Variants in PIP5K1C observed in about 807,000 individuals in gnomAD.
PIP5K1C encodes phosphatidylinositol 4-phosphate 5-kinase type-1 gamma.
A neutral mutation model predicts 80.1 loss-of-function variants in PIP5K1C; 45 were observed. The ratio of observed to expected loss-of-function variants is 0.56; its 90% confidence interval spans 0.44 to 0.72. The LOEUF is 0.72. PIP5K1C is among the 30% of genes least tolerant of loss of function. PIP5K1C has a pLI of 0.00. For missense variants in PIP5K1C, 753 were observed against 954.6 expected (o/e 0.79, Z 2.78); for synonymous variants, 498 against 420.1 (o/e 1.19, Z -2.27).
chr19:3,646,150 G>A, intron 10 of PIP5K1C, 92 bp from the exon 11 acceptor site: 1 of 793,730 alleles, frequency 1.3e-6, no homozygotes, highest in Non-Finnish European at 2.3e-6. Context: ...TGTGTGTGGG[G>A]GGCACCTTCT....
chr19:3,637,466 G>C lies in PIP5K1C; in HGVS notation c.1920+1418C>G. The C allele has an allele frequency of 6.5e-7, 1 of 1,535,702 alleles. No individual in the cohort carries two copies. Among genetic ancestry groups the C allele is most frequent in the South Asian group, 1.2e-5 (1 of 84,066 alleles). On this transcript the variant is annotated intron_variant, in intron 16 of 17. Coordinates refer to ENST00000335312, the MANE Select transcript of PIP5K1C (RefSeq NM_012398.3). This position sits in a 1 kb window ranked among gnomAD's most constrained non-coding sequence, Gnocchi z 7.0. Reference sequence around the variant, plus strand: ...GTCAGACACTGAGCTTCCGGCCGGGGACCTGCGGCTCCCTGCTGCCCGAGG... The same window carrying C: ...GTCAGACACTGAGCTTCCGGCCGGGCACCTGCGGCTCCCTGCTGCCCGAGG...
Position 3,641,835 on chromosome 19 carries a change from C to T in PIP5K1C, c.1683-26G>A, listed in dbSNP as rs778871614. The T allele has an allele frequency of 3.2e-6, 5 of 1,580,308 alleles. No individual in the cohort carries two copies. In the Admixed American group the frequency reaches 5.0e-5, roughly 16 times the overall value. ...CTGCAGGCAATGGGAGGTTGTGCCT[C>T]GGTTTCCCTCCTCACTTCCCCCATC... On this transcript the variant is annotated intron_variant, in intron 14 of 17. Coordinates refer to ENST00000335312, the MANE Select transcript of PIP5K1C (RefSeq NM_012398.3).
In PIP5K1C at chr19:3,690,534, A is replaced by G. The variant is rs191885144; in HGVS notation, c.94+9763T>C. Among the ~76,000 whole-genome samples, 7 of 152,286 alleles carry G rather than the reference A, an allele frequency of 4.6e-5. No individual in the cohort carries two copies. The East Asian group carries it at 5.8e-4, about 13-fold the overall frequency. ...TGAACAAAAAAGAAGCTAAGTTATA[A>G]AAGTCTTAGCAGAATTTAATCATAA... is the stretch of plus-strand genomic sequence containing the variant. On this transcript the variant is annotated intron_variant, in intron 1 of 17. Coordinates refer to ENST00000335312, the MANE Select transcript of PIP5K1C (RefSeq NM_012398.3).
rs1407748476 is a variant in PIP5K1C at position 3,643,347 on chromosome 19, A to G, written c.1545T>C (p.Ser515=). 2 of 1,613,720 alleles carry G rather than the reference A, an allele frequency of 1.2e-6. No homozygotes were observed. Among genetic ancestry groups the G allele is most frequent in the African/African-American group, 1.3e-5 (1 of 74,902 alleles). Reference sequence around the variant, plus strand: ...TGGAGGCTGTAGTGGCTTCTTCGAAAGAAGGTGGCGTGCAGGGCAGGAGGT... The same window carrying G: ...TGGAGGCTGTAGTGGCTTCTTCGAAGGAAGGTGGCGTGCAGGGCAGGAGGT... The part of the protein sequence containing the change: ...RPDLLPCTPP[S]FEEATTASIA... Residue 515 remains serine (S), a synonymous_variant, in exon 13 of 18, where the codon TCT becomes TCC. Transcript: ENST00000335312.
rs537704620 is a variant in PIP5K1C, at chr19:3,659,792, G to A, written c.468+1174C>T. Among the ~76,000 whole-genome samples, 25 of 152,234 alleles carry A rather than the reference G, an allele frequency of 1.6e-4. No homozygotes were observed. In the South Asian group the frequency reaches 4.6e-3, roughly 28 times the overall value. On this transcript the variant is annotated intron_variant, in intron 5 of 17. Transcript: ENST00000335312. ...GTTCTCCCTGGAAGAGCGCAGCCTC[G>A]GGCGCTTCCTACAGACTGAGATAAA...
intron 2 of PIP5K1C, among the ~76,000 whole-genome samples, chr19:3,666,522 C>T (rs1231207481): frequency 4.6e-5 from 7 of 152,202 alleles, no homozygotes; most frequent in Non-Finnish European, 1.5e-5. Flanking sequence ...CACAGGCAAA[C>T]GTGTACATAC....
intron 1 of PIP5K1C, among the ~76,000 whole-genome samples, chr19:3,686,457 G>T (rs939860854): frequency 1.3e-5 from 2 of 151,232 alleles, no homozygotes; most frequent in Non-Finnish European, 3.0e-5. Context: ...AGTGGCTCAC[G>T]TGTGTAATCC....
intron 1 of PIP5K1C, among the ~76,000 whole-genome samples, chr19:3,675,144 A>C (rs761146126): frequency 1.5e-4 from 23 of 152,190 alleles, no homozygotes; most frequent in Non-Finnish European, 3.4e-4. Flanking sequence ...GGGGTGATGG[A>C]AATGTACTAG....
At position 3,641,801 on chromosome 19, in the gene PIP5K1C, T is replaced by C; in HGVS notation, c.1691A>G (p.Glu564Gly). 1 of 1,611,314 alleles carries C rather than the reference T, an allele frequency of 6.2e-7. No individual in the cohort carries two copies. The highest frequency in any genetic ancestry group is 8.5e-7 in the Non-Finnish European group (1 of 1,179,648). ...CAGATCCTCTTCCGCGGGTGGCTCC[T>C]CCTGCGGCCTGCAGGCAATGGGAGG... is the stretch of plus-strand genomic sequence containing the variant. Reference protein sequence around the residue: ...QSSGQDGRPQEEPPAEEDLQQ... With the variant: ...QSSGQDGRPQGEPPAEEDLQQ... The change falls in exon 15 of 18, where the codon GAG (glutamate) becomes GGG (glycine). Residue 564 changes from glutamate (E) to glycine (G), a missense_variant. Physicochemically the swap from Glu to Gly is moderately conservative, Grantham distance 98. Coordinates refer to ENST00000335312, the MANE Select transcript of PIP5K1C (RefSeq NM_012398.3).
At chr19:3,663,793 C>T (rs1315928319) in intron 3 of PIP5K1C, among the ~76,000 whole-genome samples, 3 of 152,226 alleles carry the variant, frequency 2.0e-5, no homozygotes, top group South Asian at 2.1e-4. Flanking sequence ...AAAACGGTAC[C>T]GCTGCTATGG....
chr19:3,694,068 C>A (rs1012312408), intron 1 of PIP5K1C, among the ~76,000 whole-genome samples: 1 of 151,930 alleles, frequency 6.6e-6, no homozygotes, highest in Non-Finnish European at 1.5e-5. Flanking sequence ...AAACATTAGC[C>A]GGGCGTAGTG....
intron 3 of PIP5K1C, 151 bp from the exon 4 acceptor site, chr19:3,662,152 C>T (rs1467973336): frequency 1.1e-6 from 1 of 951,732 alleles, no homozygotes; most frequent in African/African-American, 1.6e-5. Flanking sequence ...GGCTGCCTGT[C>T]CTGCGGCTGC....
intron 5 of PIP5K1C, among the ~76,000 whole-genome samples, chr19:3,660,328 C>T (rs1254807951): frequency 2.0e-5 from 3 of 151,568 alleles, no homozygotes; most frequent in Admixed American, 1.3e-4. Flanking sequence ...TACAGTGAGC[C>T]GAGATCGCAC....
chr19:3,695,899 AT>A (rs958742736), intron 1 of PIP5K1C, among the ~76,000 whole-genome samples: 3 of 150,942 alleles, frequency 2.0e-5, no homozygotes, highest in South Asian at 4.2e-4. Context: ...ACTTCTTTTA[AT>A]TTTTTTTTAG....
rs556775261 is a variant in PIP5K1C at position 3,685,458 on chromosome 19, C to T, written c.94+14839G>A. Among the ~76,000 whole-genome samples the T allele has an allele frequency of 3.0e-3, 450 of 152,240 alleles. 2 individuals carry two copies. The highest frequency in any genetic ancestry group is 0.01 in the African/African-American group (417 of 41,532). Reference sequence around the variant, plus strand: ...AAAGAAAGTTTTATTGGGCCAGGCACGGTGGCTCATGCCTGTAATCCCAGC... The same window carrying T: ...AAAGAAAGTTTTATTGGGCCAGGCATGGTGGCTCATGCCTGTAATCCCAGC... On this transcript the variant is annotated intron_variant, in intron 1 of 17. Coordinates refer to ENST00000335312, the MANE Select transcript of PIP5K1C (RefSeq NM_012398.3).
intron 1 of PIP5K1C, among the ~76,000 whole-genome samples, chr19:3,693,564 G>A (rs939159504): frequency 6.6e-6 from 1 of 152,172 alleles, no homozygotes; most frequent in Non-Finnish European, 1.5e-5. Context: ...ATGCTGCCGG[G>A]GCCAGGCGGC....
At chr19:3,694,595 C>T (rs1417918329) in intron 1 of PIP5K1C, among the ~76,000 whole-genome samples, 8 of 152,260 alleles carry the variant, frequency 5.3e-5, no homozygotes, top group Non-Finnish European at 1.5e-5. Context: ...TCGGGCTCGC[C>T]GCCCCACTCA....
chr19:3,645,842 G>A (rs1440335453), intron 11 of PIP5K1C, 132 bp downstream of exon 11: 3 of 775,056 alleles, frequency 3.9e-6, no homozygotes, highest in East Asian at 2.5e-5. Context: ...CCCGGTCTGA[G>A]GGGGGCACAG....
chr19:3,684,842 A>G (rs937716874), intron 1 of PIP5K1C, among the ~76,000 whole-genome samples: 2 of 152,094 alleles, frequency 1.3e-5, no homozygotes, highest in Non-Finnish European at 2.9e-5. Context: ...CACCAGGAGA[A>G]CTCAAGCTCT....
Sources: gnomAD v4.1 joint callset for allele counts (sites outside exome capture counted in the v4.1 genomes callset) on GRCh38, gnomAD v4.1.1 for gene constraint, Gnocchi (gnomAD v3.1) non-coding constraint, MANE v1.5 for transcripts, NCBI Gene and HGNC (gene_info 2026-07-23, HGNC 2026-07-21) for gene names.